Variants in CSMD3 observed in about 807,000 individuals in gnomAD.
CSMD3 encodes the protein CUB and Sushi multiple domains 3, also known as CUB and sushi domain-containing protein 3.
In CSMD3, 177 loss-of-function variants were observed where a neutral mutation model predicts 435.2. That is an observed-to-expected ratio of 0.41 (90% CI 0.36 to 0.46). The LOEUF is 0.46. Ranked by LOEUF, CSMD3 falls within the 20% of genes least tolerant of loss-of-function variation. The pLI, the probability that CSMD3 is intolerant of heterozygous loss-of-function variation, is 0.34. For synonymous variants in CSMD3, 1,656 were observed against 1,520.5 expected, an observed-to-expected ratio of 1.09 and a Z score of -2.07; for missense variants, 4,265 against 4,504.6, an observed-to-expected ratio of 0.95 and a Z score of 1.52.
chr8:113,149,998 T>G (rs1454732903), intron 4 of CSMD3, among the ~76,000 whole-genome samples: 1 of 151,548 alleles, frequency 6.6e-6, no homozygotes, highest in African/African-American at 2.4e-5. Flanking sequence ...AACAAATATT[T>G]TCTTAGGACA....
At position 112,517,172 on chromosome 8, in the gene CSMD3, T is replaced by G; in HGVS notation, c.4618A>C (p.Asn1540His). ...TCCCCAGGTTCTCTTCCATCCCCAT[T>G]TCGAGTCCCATTCATGGGGACCCCT... Reference protein sequence around the residue: ...DPGVPMNGTRNGDGREPGDTV... With the variant: ...DPGVPMNGTRHGDGREPGDTV... Residue 1540 changes from asparagine (N) to histidine (H), a missense_variant, in exon 28 of 71, where the codon AAT (asparagine) becomes CAT (histidine). By Grantham distance (68) the Asn-to-His change is moderately conservative. This residue lies in a region of CSMD3 where 3,255 missense variants were observed against 3,380.2 expected (regional missense o/e 0.96). Transcript: ENST00000297405. 1 of 1,613,750 alleles carries G rather than the reference T, an allele frequency of 6.2e-7. No individual in the cohort carries two copies. Among genetic ancestry groups the G allele is most frequent in the South Asian group, 1.1e-5 (1 of 91,070 alleles).
intron 22 of CSMD3, among the ~76,000 whole-genome samples, chr8:112,618,656 G>T (rs1833835478): frequency 7.9e-6 from 1 of 126,978 alleles, no homozygotes; most frequent in Non-Finnish European, 1.6e-5. Flanking sequence ...AGACAATGTG[G>T]ATTGGCAATG....
chr8:112,949,213 G>A (rs2083721479), intron 8 of CSMD3, among the ~76,000 whole-genome samples: 1 of 152,036 alleles, frequency 6.6e-6, no homozygotes, highest in Non-Finnish European at 1.5e-5. Flanking sequence ...AACAGTTATA[G>A]TTGTGGTAAA....
intron 59 of CSMD3, among the ~76,000 whole-genome samples, chr8:112,273,907 T>A (rs1817766977): frequency 1.0e-4 from 15 of 150,634 alleles, no homozygotes; most frequent in Admixed American, 1.0e-3. Context: ...CTCTATAAAG[T>A]TTACAGTTTA....
intron 32 of CSMD3, among the ~76,000 whole-genome samples, chr8:112,452,813 A>C (rs1816437044): frequency 6.6e-6 from 1 of 152,200 alleles, no homozygotes; most frequent in African/African-American, 2.4e-5. Flanking sequence ...CCTTCTCTGC[A>C]AATTATAAAA....
At chr8:112,770,952 G>T (rs1008074412) in intron 13 of CSMD3, among the ~76,000 whole-genome samples, 6 of 151,916 alleles carry the variant, frequency 3.9e-5, no homozygotes, top group Admixed American at 6.6e-5. Context: ...CAATTCTAAT[G>T]TCAAGATTGT....
intron 22 of CSMD3, among the ~76,000 whole-genome samples, chr8:112,619,969 A>C (rs1303599600): frequency 2.0e-5 from 3 of 152,076 alleles, no homozygotes; most frequent in African/African-American, 7.2e-5. Flanking sequence ...AAGTTCAATC[A>C]GAATCTAATC....
chr8:112,441,322 T>G (rs530394096), intron 32 of CSMD3, among the ~76,000 whole-genome samples: 5 of 152,144 alleles, frequency 3.3e-5, no homozygotes, highest in African/African-American at 4.8e-5. Context: ...ACTGTCAGCG[T>G]TTTGGTCAAA....
At chr8:112,321,907 T>C (rs1376454202) in intron 45 of CSMD3, among the ~76,000 whole-genome samples, 1 of 151,716 alleles carries the variant, frequency 6.6e-6, no homozygotes, top group African/African-American at 2.4e-5. Flanking sequence ...TAATTAGGAA[T>C]TTTGACAATT....
chr8:113,035,834 A>C (rs1587937391), intron 5 of CSMD3, among the ~76,000 whole-genome samples: 1 of 151,942 alleles, frequency 6.6e-6, no homozygotes, highest in East Asian at 1.9e-4. Flanking sequence ...GAGGAAATAA[A>C]CCTCAACTAT....
At chr8:112,734,937 G>C (rs2077154244) in intron 13 of CSMD3, among the ~76,000 whole-genome samples, 1 of 151,886 alleles carries the variant, frequency 6.6e-6, no homozygotes, top group South Asian at 2.1e-4. Context: ...GGCTGCACAG[G>C]GAAAGGTGCC....
At chr8:112,345,071 T>C (rs1377553774) in intron 41 of CSMD3, among the ~76,000 whole-genome samples, 1 of 152,140 alleles carries the variant, frequency 6.6e-6, no homozygotes, top group Non-Finnish European at 1.5e-5. Flanking sequence ...ATAGTATAAG[T>C]CTGTCTAGCT....
At chr8:113,166,606 A>C (rs1296073638) in intron 4 of CSMD3, among the ~76,000 whole-genome samples, 1 of 152,186 alleles carries the variant, frequency 6.6e-6, no homozygotes, top group Middle Eastern at 3.2e-3. Context: ...GATAACTCAG[A>C]AATGCTATGT....
chr8:113,222,040 T>C (rs1173341999), intron 3 of CSMD3, among the ~76,000 whole-genome samples: 2 of 105,780 alleles, frequency 1.9e-5, no homozygotes, highest in Non-Finnish European at 2.0e-5. Context: ...AGTAAATGCA[T>C]GAAGGTTAAA....
chr8:113,185,617 T>C (rs779086391), intron 3 of CSMD3, among the ~76,000 whole-genome samples: 12 of 152,198 alleles, frequency 7.9e-5, no homozygotes, highest in South Asian at 4.1e-4. Context: ...AAACTTTCTC[T>C]GAGGAGGATA....
At chr8:113,227,690 T>A (rs1367854372) in intron 3 of CSMD3, among the ~76,000 whole-genome samples, 1 of 151,766 alleles carries the variant, frequency 6.6e-6, no homozygotes, top group East Asian at 2.0e-4. Context: ...CCTGCCACCT[T>A]GTGAAGAAGA....
rs367898317 is a variant in CSMD3, at chr8:112,858,394, G to A, written c.1755+751C>T. Among the ~76,000 whole-genome samples the A allele has an allele frequency of 8.6e-5, 13 of 151,526 alleles. No individual in the cohort carries two copies. In the East Asian group the frequency reaches 1.9e-3, roughly 22 times the overall value. On this transcript the variant is annotated intron_variant, in intron 11 of 70. Transcript: ENST00000297405. ...CAATCTGAACCAATTTCATGAGCTC[G>A]ACCACCAAACTTTAAAATCTAGCCC...
chr8:113,229,708 G>C (rs2093064045), intron 3 of CSMD3, among the ~76,000 whole-genome samples: 1 of 151,520 alleles, frequency 6.6e-6, no homozygotes, highest in East Asian at 2.0e-4. Context: ...AACCTTGAAG[G>C]CTTTGTAAAC....
At chr8:113,347,991 A>T (rs1474989889) in intron 1 of CSMD3, among the ~76,000 whole-genome samples, 1 of 152,134 alleles carries the variant, frequency 6.6e-6, no homozygotes, top group East Asian at 1.9e-4. Context: ...TTGAACTTGG[A>T]CATTGCATGG....
Sources: gnomAD v4.1 joint callset for allele counts (sites outside exome capture counted in the v4.1 genomes callset) on GRCh38, gnomAD v4.1.1 for gene constraint, gnomAD v4.1.1 regional missense constraint, MANE v1.5 for transcripts, NCBI Gene and HGNC (gene_info 2026-07-23, HGNC 2026-07-21) for gene names.